The following NRXN3 variants were observed in gnomAD, a reference collection of about 807,000 sequenced individuals.
NRXN3 encodes neurexin III.
Under a neutral mutation model 137.6 loss-of-function variants are expected in NRXN3, and 32 were observed. The ratio of observed to expected loss-of-function variants is 0.23; its 90% CI spans 0.18 to 0.31. NRXN3 has a LOEUF of 0.31. NRXN3 is among the 10% of genes least tolerant of loss of function. NRXN3 has a pLI of 1.00. For missense variants in NRXN3, 1,574 were observed against 2,062.5 expected (o/e 0.76, Z 4.59); for synonymous variants, 798 against 784.5 (o/e 1.02, Z -0.29).
intron 6 of NRXN3, among the ~76,000 whole-genome samples, chr14:78,660,074 C>T (rs987486959): frequency 2.6e-5 from 4 of 151,842 alleles, no homozygotes; most frequent in South Asian, 2.1e-4. Flanking sequence ...TTTAGCCAAG[C>T]GTGGCTGTAA....
chr14:79,542,891 G>A (rs1275371862), intron 16 of NRXN3, among the ~76,000 whole-genome samples: 6 of 148,286 alleles, frequency 4.0e-5, no homozygotes, highest in Non-Finnish European at 7.4e-5. Flanking sequence ...GGTGTGGCAA[G>A]AAAAAAAAAA....
Position 79,273,172 on chromosome 14 carries a change from C to CAAAAAAAT in NRXN3, c.3263-194042_3263-194041insTAAAAAAA, listed in dbSNP as rs1555347815. On this transcript the variant is annotated intron_variant, in intron 15 of 20. Transcript: ENST00000335750. Reference sequence around the variant, plus strand: ...GGGCGGCAATGCAAGACTCTGTGGCCAAAAAAAAAAAAAAAAAAAAAAAAA... The same window carrying CAAAAAAAT: ...GGGCGGCAATGCAAGACTCTGTGGCCAAAAAAATAAAAAAAAAAAAAAAAAAAAAAAAA... Among the ~76,000 whole-genome samples the CAAAAAAAT allele has an allele frequency of 3.6e-3, 74 of 20,756 alleles. 1 individual carries two copies. Among genetic ancestry groups the CAAAAAAAT allele is most frequent in the African/African-American group, 0.02 (70 of 3,572 alleles). 13.6% of individuals were successfully genotyped at this position (20,756 alleles called of 152,430 possible).
At chr14:78,732,323 G>C (rs572889599) in intron 8 of NRXN3, among the ~76,000 whole-genome samples, 3 of 152,254 alleles carry the variant, frequency 2.0e-5, no homozygotes, top group African/African-American at 7.2e-5. Flanking sequence ...AAGGCTGTGG[G>C]TATATAATTC....
At position 78,448,961 on chromosome 14, in the gene NRXN3, A is replaced by T. The variant is rs17107621; in HGVS notation, c.757+151101A>T. The stretch of plus-strand genomic sequence containing the variant: ...CAGTTCCTGCGTAAGTTCAGAACCA[A>T]CTCAAATCATGCTCTCTGCAGTGGA... On this transcript the variant is annotated intron_variant, in intron 4 of 20. Coordinates refer to ENST00000335750, the MANE Select transcript of NRXN3 (RefSeq NM_001330195.2). Among the ~76,000 whole-genome samples, 634 of 152,296 alleles carry T rather than the reference A, an allele frequency of 4.2e-3. 29 individuals are homozygous for T. In the East Asian group the frequency reaches 0.081, roughly 19 times the overall value.
chr14:78,886,119 A>T (rs2099142911), intron 10 of NRXN3, among the ~76,000 whole-genome samples: 1 of 152,180 alleles, frequency 6.6e-6, no homozygotes, highest in South Asian at 2.1e-4. Context: ...TGGGAAATGT[A>T]GTCTGGCTGG....
intron 15 of NRXN3, among the ~76,000 whole-genome samples, chr14:79,307,109 A>G (rs1282688488): frequency 6.6e-6 from 1 of 152,118 alleles, no homozygotes; most frequent in Non-Finnish European, 1.5e-5. Flanking sequence ...ACAATTTATC[A>G]AATGTTAGCA....
chr14:79,794,398 A>T (rs74691851), intron 19 of NRXN3, among the ~76,000 whole-genome samples: 1 of 151,964 alleles, frequency 6.6e-6, no homozygotes, highest in Non-Finnish European at 1.5e-5. Context: ...AAAAAAACAA[A>T]AAAAAAACAA....
intron 1 of NRXN3, among the ~76,000 whole-genome samples, chr14:78,203,856 G>A (rs1320641628): frequency 7.0e-6 from 1 of 141,924 alleles, no homozygotes; most frequent in East Asian, 2.1e-4. Flanking sequence ...TGTGTGTGTG[G>A]TTTGTGTGTG....
chr14:79,803,831 C>T (rs10145867), intron 19 of NRXN3, among the ~76,000 whole-genome samples: 15,598 of 151,138 alleles, frequency 0.1, 1,104 homozygotes, highest in African/African-American at 0.19. Context: ...ATGTAATAGT[C>T]ATCCCTGTCC....
intron 6 of NRXN3, among the ~76,000 whole-genome samples, chr14:78,678,381 G>A (rs1292533223): frequency 2.7e-5 from 4 of 149,772 alleles, no homozygotes; most frequent in Non-Finnish European, 5.9e-5. Flanking sequence ...TTGAACTCCC[G>A]GGCTCAAGCA....
At chr14:79,813,751 T>C (rs959592767) in intron 20 of NRXN3, among the ~76,000 whole-genome samples, 1 of 152,194 alleles carries the variant, frequency 6.6e-6, no homozygotes, top group South Asian at 2.1e-4. Context: ...TCTTTCCTTT[T>C]GATTTACCCC....
At chr14:79,292,687 A>G (rs912960745) in intron 15 of NRXN3, among the ~76,000 whole-genome samples, 3 of 152,226 alleles carry the variant, frequency 2.0e-5, no homozygotes, top group Non-Finnish European at 4.4e-5. Context: ...TGAGGGTGAA[A>G]CTAATGAATA....
intron 15 of NRXN3, among the ~76,000 whole-genome samples, chr14:79,093,564 G>C (rs975911041): frequency 6.6e-6 from 1 of 152,216 alleles, no homozygotes; most frequent in Non-Finnish European, 1.5e-5. Context: ...GACCAAAGAA[G>C]TGTGCATGTT....
chr14:79,752,985 G>A (rs1365615256), intron 19 of NRXN3, among the ~76,000 whole-genome samples: 2 of 151,870 alleles, frequency 1.3e-5, no homozygotes, highest in Admixed American at 1.3e-4. Flanking sequence ...ATCATCACTG[G>A]CCATCAGAGA....
At chr14:78,857,904 G>A (rs746663088) in intron 10 of NRXN3, among the ~76,000 whole-genome samples, 3 of 152,126 alleles carry the variant, frequency 2.0e-5, no homozygotes, top group Non-Finnish European at 4.4e-5. Flanking sequence ...GTTACTGAAT[G>A]CACAGAAAAA....
At chr14:78,939,799 ACT>A (rs2099349510) in intron 10 of NRXN3, among the ~76,000 whole-genome samples, 1 of 151,960 alleles carries the variant, frequency 6.6e-6, no homozygotes, top group Non-Finnish European at 1.5e-5. Flanking sequence ...TGGGGAAGTA[ACT>A]CTCTTATTTC....
At chr14:78,665,062 G>A (rs556632946) in intron 6 of NRXN3, among the ~76,000 whole-genome samples, 19 of 152,270 alleles carry the variant, frequency 1.2e-4, no homozygotes, top group Admixed American at 1.2e-3. Context: ...GTGAATGACA[G>A]CATGTATAAA....
chr14:78,872,685 T>G lies in NRXN3; in HGVS notation c.2275+62341T>G, dbSNP rs186951376. On this transcript the variant is annotated intron_variant, in intron 10 of 20. Coordinates refer to ENST00000335750, the MANE Select transcript of NRXN3 (RefSeq NM_001330195.2). ...ATAGGTGGGGATCTACCCATTTTAT[T>G]AAGAGACCACCCTCCAAAATGTCAG... Among the ~76,000 whole-genome samples, 442 of 152,288 alleles carry G rather than the reference T, an allele frequency of 2.9e-3. 9 individuals carry two copies. In the South Asian group the frequency reaches 0.045, roughly 16 times the overall value.
chr14:79,650,541 T>G (rs1376202023), intron 16 of NRXN3, among the ~76,000 whole-genome samples: 1 of 152,168 alleles, frequency 6.6e-6, no homozygotes, highest in African/African-American at 2.4e-5. Context: ...AAACCTGCAG[T>G]AAGTGAACAA....
Sources: allele counts gnomAD v4.1 joint callset (sites outside exome capture counted in the v4.1 genomes callset), GRCh38; gene constraint gnomAD v4.1.1; transcripts MANE v1.5; gene names NCBI Gene and HGNC (gene_info 2026-07-23, HGNC 2026-07-21).